The following FAM3D variants were observed in gnomAD, a reference collection of about 807,000 sequenced individuals.
FAM3D encodes the protein protein FAM3D.
Under a neutral mutation model 29.8 loss-of-function variants are expected in FAM3D, and 26 were observed. The ratio of observed to expected loss-of-function variants is 0.87; its 90% confidence interval spans 0.64 to 1.21. The LOEUF is 1.21. FAM3D is among the 50% of genes most tolerant of loss of function. The probability of loss-of-function intolerance (pLI) is 0.00; values close to 1 mark genes in which losing one functional copy is unlikely to be tolerated. For missense variants in FAM3D, 253 were observed against 290.9 expected (o/e 0.87, Z 0.95); for synonymous variants, 115 against 102.3 (o/e 1.12, Z -0.75).
chr3:58,656,815 C>T (rs566450150), intron 1 of FAM3D, among the ~76,000 whole-genome samples: 1 of 152,352 alleles, frequency 6.6e-6, no homozygotes, highest in South Asian at 2.1e-4. Context: ...GCCCCCAACA[C>T]CCTCTTCAAC....
chr3:58,660,825 T>A (rs13076856), intron 1 of FAM3D, among the ~76,000 whole-genome samples: 213 of 152,276 alleles, frequency 1.4e-3, no homozygotes, highest in African/African-American at 4.9e-3. Context: ...TATTTTAACT[T>A]GTTTAATCTT....
At chr3:58,653,597 G>C in intron 3 of FAM3D, 77 bp downstream of exon 3, 1 of 1,360,400 alleles carries the variant, frequency 7.4e-7, no homozygotes, top group Non-Finnish European at 1.0e-6. Context: ...GGGTCACCTA[G>C]GGATGGAGGG....
At chr3:58,645,958 C>T (rs1242367031) in intron 4 of FAM3D, among the ~76,000 whole-genome samples, 1 of 152,182 alleles carries the variant, frequency 6.6e-6, no homozygotes, top group Admixed American at 6.5e-5. Context: ...GAGAACCTCT[C>T]GTTTGGGCCA....
In FAM3D at chr3:58,636,398, G is replaced by GT. The variant is rs747313891; in HGVS notation, c.480dup (p.Leu161ThrfsTer4). The GT allele has an allele frequency of 1.9e-6, 3 of 1,614,196 alleles. No homozygotes were observed. In the South Asian group the frequency reaches 3.3e-5, roughly 18 times the overall value. Reference sequence around the variant, plus strand: ...TAGGAACTCCCCAAGTCAGAGAAGAGTTTCCTGCTTTCATCGTTCATTCTG... The same window carrying GT: ...TAGGAACTCCCCAAGTCAGAGAAGAGTTTTCCTGCTTTCATCGTTCATTCTG... On this transcript the variant is annotated frameshift_variant, in exon 9 of 10. Transcript: ENST00000358781. LOFTEE classifies it high-confidence loss of function.
Position 58,635,100 on chromosome 3 carries a change from A to G in FAM3D, c.586-732T>C, listed in dbSNP as rs2066124846. ...AGAGGCGGGAGGATCGCTTGAGCCC[A>G]GGAGGTCGAGGCTGCAGTGAGCCGA... On this transcript the variant is annotated intron_variant, in intron 9 of 9. Transcript: ENST00000358781. The surrounding 1 kb of genome is among the most constrained non-coding windows in gnomAD (Gnocchi z 5.2). Among the ~76,000 whole-genome samples, 1 of 152,134 alleles carries G rather than the reference A, an allele frequency of 6.6e-6. No individual in the cohort carries two copies. The highest frequency in any genetic ancestry group is 2.1e-4 in the South Asian group (1 of 4,832).
chr3:58,638,676 T>C (rs977453789), intron 7 of FAM3D, among the ~76,000 whole-genome samples: 5 of 152,228 alleles, frequency 3.3e-5, no homozygotes, highest in Non-Finnish European at 7.3e-5. Context: ...GTGACTGCCC[T>C]GTCCCCAGGT....
chr3:58,665,293 C>G (rs756394337), intron 1 of FAM3D, among the ~76,000 whole-genome samples: 2 of 151,954 alleles, frequency 1.3e-5, no homozygotes, highest in African/African-American at 2.4e-5. Flanking sequence ...CAGCTACTAC[C>G]CCTTTCCTGC....
intron 4 of FAM3D, among the ~76,000 whole-genome samples, chr3:58,647,761 G>C (rs1247991352): frequency 6.6e-6 from 1 of 152,186 alleles, no homozygotes; most frequent in Non-Finnish European, 1.5e-5. Flanking sequence ...CTCAATCCCT[G>C]AGGCCCAACC....
rs1239844506 is a variant in FAM3D, at chr3:58,655,558, T to C, written c.6A>G (p.Arg2=). 6.2e-7 allele frequency: 1 copy of C among 1,613,560 alleles called. No individual in the cohort carries two copies. The highest frequency in any genetic ancestry group is 1.7e-5 in the Admixed American group (1 of 60,002). ...ACCAATTTCAGAGCCTACCTGACAC[T>C]CTCATCCTGTCCAGGTGAAGGGTGG... The part of the protein sequence containing the change: M[R]VSGVLRLLAL... Residue 2 remains arginine (R), a synonymous_variant, in exon 2 of 10, where the codon AGA becomes AGG. Coordinates refer to ENST00000358781, the MANE Select transcript of FAM3D (RefSeq NM_138805.3).
intron 1 of FAM3D, among the ~76,000 whole-genome samples, chr3:58,661,701 T>C (rs1455299346): frequency 2.0e-5 from 3 of 152,154 alleles, no homozygotes; most frequent in Admixed American, 1.3e-4. Flanking sequence ...TCAGCTTCCT[T>C]TCACATGGCC....
At chr3:58,640,269 T>A (rs546981611) in intron 6 of FAM3D, 92 bp from the exon 7 acceptor site, 30 of 1,380,456 alleles carry the variant, frequency 2.2e-5, no homozygotes, top group Admixed American at 1.2e-4. Context: ...GTCTAAGATC[T>A]AAAAACAGAA....
rs752427937 is a variant in FAM3D, at chr3:58,643,673, G to A, written c.311C>T (p.Ala104Val). The A allele has an allele frequency of 1.2e-6, 2 of 1,613,562 alleles. No individual in the cohort carries two copies. The highest frequency in any genetic ancestry group is 1.7e-6 in the Non-Finnish European group (2 of 1,180,030). Residue 104 changes from alanine (A) to valine (V), a missense_variant, in exon 6 of 10, where the codon GCC (alanine) becomes GTC (valine). Ala to Val is a moderately conservative substitution (Grantham distance 64). Coordinates refer to ENST00000358781, the MANE Select transcript of FAM3D (RefSeq NM_138805.3). ...GATATGCAACTCACCATTCACCAGG[G>A]CGATGTTTAGGCCTCTGCCCACATT... is the stretch of plus-strand genomic sequence containing the variant. ...KNNVGRGLNI[A>V]LVNGTTGAVL... is the part of the protein sequence containing the mutation.
At chr3:58,651,658 G>A (rs185467245) in intron 3 of FAM3D, among the ~76,000 whole-genome samples, 1 of 152,146 alleles carries the variant, frequency 6.6e-6, no homozygotes, top group Non-Finnish European at 1.5e-5. Context: ...TACTGAGAGA[G>A]AAATAATTAC....
chr3:58,658,151 G>T (rs2066860568), intron 1 of FAM3D, among the ~76,000 whole-genome samples: 1 of 152,188 alleles, frequency 6.6e-6, no homozygotes, highest in South Asian at 2.1e-4. Flanking sequence ...CTTCCCCATA[G>T]CTCCCTTCTC....
intron 6 of FAM3D, among the ~76,000 whole-genome samples, chr3:58,641,058 C>T (rs1400325834): frequency 2.0e-5 from 3 of 152,260 alleles, no homozygotes; most frequent in Non-Finnish European, 2.9e-5. Flanking sequence ...GGGGTGGCGG[C>T]CAGCATAGCT....
intron 1 of FAM3D, among the ~76,000 whole-genome samples, chr3:58,666,158 A>G (rs2067026320): frequency 6.6e-6 from 1 of 152,186 alleles, no homozygotes; most frequent in Non-Finnish European, 1.5e-5. Flanking sequence ...TTTTTGAATC[A>G]ATAGATGAGT....
At chr3:58,641,002 C>T (rs1283313203) in intron 6 of FAM3D, among the ~76,000 whole-genome samples, 2 of 150,860 alleles carry the variant, frequency 1.3e-5, no homozygotes, top group African/African-American at 2.4e-5. Context: ...CTTTTGTGAT[C>T]GCGTGCGCTT....
intron 4 of FAM3D, 22 bp from the exon 5 acceptor site, chr3:58,645,648 C>G (rs2066457004): frequency 1.2e-6 from 2 of 1,603,560 alleles, no homozygotes; most frequent in African/African-American, 1.3e-5. Context: ...AGAGACCAGC[C>G]TTGGTGGGCA....
chr3:58,641,001 T>C (rs1322453200), intron 6 of FAM3D, among the ~76,000 whole-genome samples: 1 of 151,686 alleles, frequency 6.6e-6, no homozygotes, highest in Non-Finnish European at 1.5e-5. Context: ...GCTTTTGTGA[T>C]CGCGTGCGCT....
Sources: gnomAD v4.1 joint callset for allele counts (sites outside exome capture counted in the v4.1 genomes callset) on GRCh38, gnomAD v4.1.1 for gene constraint, Gnocchi (gnomAD v3.1) non-coding constraint, MANE v1.5 for transcripts, NCBI Gene and HGNC (gene_info 2026-07-23, HGNC 2026-07-21) for gene names.